The following DFFB variants were observed in gnomAD, a reference collection of about 807,000 sequenced individuals.
DFFB encodes the protein DNA fragmentation factor subunit beta.
In DFFB, 29 loss-of-function variants were observed where a neutral mutation model predicts 32.7. That is an observed-to-expected ratio of 0.89 (90% CI 0.66 to 1.21). The LOEUF (loss-of-function observed/expected upper bound fraction) is 1.21, where lower values mean the gene tolerates loss of function less well. DFFB is among the 50% of genes most tolerant of loss of function. The pLI is 0.00. For missense variants in DFFB, 398 were observed against 440.6 expected (o/e 0.90, Z 0.87); for synonymous variants, 170 against 177.1 (o/e 0.96, Z 0.32).
intron 6 of DFFB, among the ~76,000 whole-genome samples, chr1:3,881,043 C>T (rs1458975201): frequency 1.3e-5 from 2 of 152,228 alleles, no homozygotes; most frequent in Non-Finnish European, 2.9e-5. Flanking sequence ...TGCCTTCTCT[C>T]CCCACGCTGA....
chr1:3,882,276 A>G (rs1263112472), intron 6 of DFFB, among the ~76,000 whole-genome samples: 1 of 151,836 alleles, frequency 6.6e-6, no homozygotes, highest in Non-Finnish European at 1.5e-5. Flanking sequence ...GCTGGTCTCA[A>G]ACTCCTGGCC....
chr1:3,861,482 G>A (rs1400493070), intron 2 of DFFB, among the ~76,000 whole-genome samples: 6 of 152,158 alleles, frequency 3.9e-5, no homozygotes, highest in Admixed American at 3.9e-4. Context: ...AGGCTGGAGT[G>A]CAGTGGTGCA....
chr1:3,880,027 G>A (rs1645304539), intron 6 of DFFB, among the ~76,000 whole-genome samples: 1 of 152,212 alleles, frequency 6.6e-6, no homozygotes, highest in African/African-American at 2.4e-5. Flanking sequence ...TGTCCTGCCT[G>A]GTAGGAGTGT....
At chr1:3,864,978 G>A (rs1644947826) in intron 2 of DFFB, among the ~76,000 whole-genome samples, 1 of 152,002 alleles carries the variant, frequency 6.6e-6, no homozygotes, top group Non-Finnish European at 1.5e-5. Flanking sequence ...TGAAAGTCAC[G>A]CCTCACCCCA....
intron 1 of DFFB, 142 bp downstream of exon 1, chr1:3,857,859 C>CG: frequency 1.7e-6 from 1 of 579,910 alleles, no homozygotes; most frequent in Non-Finnish European, 2.9e-6. Context: ...GCTAGGACCC[C>CG]GGGCCCCCGC....
At chr1:3,867,353 ACT>A (rs1645006119) in intron 3 of DFFB, among the ~76,000 whole-genome samples, 1 of 151,980 alleles carries the variant, frequency 6.6e-6, no homozygotes, top group Non-Finnish European at 1.5e-5. Context: ...TAGATACCAC[ACT>A]GTCTATTCAC....
In DFFB at chr1:3,857,653, G is replaced by T; in HGVS notation, c.50G>T (p.Arg17Met). Residue 17 changes from arginine (R) to methionine (M), a missense_variant, in exon 1 of 7, where the codon AGG becomes ATG. Coordinates refer to ENST00000378209, the MANE Select transcript of DFFB (RefSeq NM_004402.4). The stretch of plus-strand genomic sequence containing the variant: ...AAGCTGCGGGCCCTGCGCAGCCCGA[G>T]GAAGTTCGGCGTGGCTGGCCGGAGC... ...SVKLRALRSP[R>M]KFGVAGRSCQ... 6.2e-7 allele frequency: 1 copy of T among 1,601,082 alleles called. No individual in the cohort carries two copies. The highest frequency in any genetic ancestry group is 8.5e-7 in the Non-Finnish European group (1 of 1,174,370).
At chr1:3,859,311 T>C (rs1644833683) in intron 2 of DFFB, among the ~76,000 whole-genome samples, 1 of 152,100 alleles carries the variant, frequency 6.6e-6, no homozygotes, top group Non-Finnish European at 1.5e-5. Context: ...AGGGCTCAAG[T>C]TTGGGGGCAA....
intron 6 of DFFB, among the ~76,000 whole-genome samples, chr1:3,883,062 G>C (rs537117643): frequency 6.6e-6 from 1 of 150,696 alleles, no homozygotes; most frequent in East Asian, 2.0e-4. Context: ...GGAGTGCGGT[G>C]GCGTGATCTT....
At chr1:3,869,957 G>A (rs1645078325) in intron 5 of DFFB, among the ~76,000 whole-genome samples, 182 bp downstream of exon 5, 1 of 152,244 alleles carries the variant, frequency 6.6e-6, no homozygotes, top group South Asian at 2.1e-4. Flanking sequence ...TCAAGCTGCA[G>A]TGCACACAGG....
intron 6 of DFFB, among the ~76,000 whole-genome samples, chr1:3,877,496 A>C (rs1645248620): frequency 6.6e-6 from 1 of 150,934 alleles, no homozygotes; most frequent in Non-Finnish European, 1.5e-5. Flanking sequence ...CGCCTGGCTA[A>C]TTTTTGTACT....
At chr1:3,860,403 AT>A in intron 2 of DFFB, 1 of 424,822 alleles carries the variant, frequency 2.4e-6, no homozygotes. Context: ...ATTGTTTTGT[AT>A]TTTTTGTAGA....
intron 6 of DFFB, among the ~76,000 whole-genome samples, chr1:3,881,676 C>T (rs1003756344): frequency 3.9e-5 from 6 of 152,184 alleles, no homozygotes; most frequent in Admixed American, 2.6e-4. Flanking sequence ...CTGGCCAACA[C>T]GGTGAAACCC....
chr1:3,865,178 AG>A lies in DFFB; in HGVS notation c.242-633del, dbSNP rs1644952233. 6.6e-6 allele frequency among the ~76,000 whole-genome samples: 1 copy of A among 152,094 alleles called. No homozygotes were observed. Among genetic ancestry groups the A allele is most frequent in the Admixed American group, 6.5e-5 (1 of 15,272 alleles). On this transcript the variant is annotated intron_variant, in intron 2 of 6. Transcript: ENST00000378209. The surrounding 1 kb of genome is among the most constrained non-coding windows in gnomAD (Gnocchi z 4.7). ...ATGTTAGGTCTAAGGACTTCCACCA[AG>A]TCCTCACTCCCCAGCATGTCCTCCT...
chr1:3,881,357 C>G (rs572243321), intron 6 of DFFB, among the ~76,000 whole-genome samples: 2 of 152,374 alleles, frequency 1.3e-5, no homozygotes, highest in East Asian at 3.9e-4. Context: ...GTTTCCCTTC[C>G]TCTTGCCCAA....
chr1:3,864,946 C>T (rs1644947205), intron 2 of DFFB, among the ~76,000 whole-genome samples: 1 of 152,106 alleles, frequency 6.6e-6, no homozygotes, highest in Admixed American at 6.6e-5. Context: ...GCTTATTTAT[C>T]TATTTTTTTA....
At chr1:3,880,235 G>T (rs1240663820) in intron 6 of DFFB, among the ~76,000 whole-genome samples, 1 of 152,206 alleles carries the variant, frequency 6.6e-6, no homozygotes, top group Non-Finnish European at 1.5e-5. Flanking sequence ...CGTCACAGAG[G>T]GCTGTGGAAG....
chr1:3,866,064 T>C, intron 3 of DFFB, 64 bp downstream of exon 3: 1 of 1,391,016 alleles, frequency 7.2e-7, no homozygotes, highest in Non-Finnish European at 9.6e-7. Flanking sequence ...CAGAAGAAGT[T>C]GGATTCCAAA....
At position 3,873,477 on chromosome 1, in the gene DFFB, ATT is replaced by A. The variant is rs201543955; in HGVS notation, c.782+921_782+922del. Among the ~76,000 whole-genome samples the A allele has an allele frequency of 5.0e-3, 692 of 138,776 alleles. 3 individuals carry two copies. Among genetic ancestry groups the A allele is most frequent in the African/African-American group, 0.017 (629 of 37,210 alleles). 91.0% of individuals were successfully genotyped at this position (138,776 alleles called of 152,430 possible). Reference sequence around the variant, plus strand: ...CTCATCCGGGCATTTAGGATTTGGGATTTTTTTTTTTTTTTTTCTGAGATGGA... The same window carrying A: ...CTCATCCGGGCATTTAGGATTTGGGATTTTTTTTTTTTTTTCTGAGATGGA... On this transcript the variant is annotated intron_variant, in intron 6 of 6. Transcript: ENST00000378209.
Sources: gnomAD v4.1 joint callset for allele counts (sites outside exome capture counted in the v4.1 genomes callset) on GRCh38, gnomAD v4.1.1 for gene constraint, Gnocchi (gnomAD v3.1) non-coding constraint, MANE v1.5 for transcripts, NCBI Gene and HGNC (gene_info 2026-07-23, HGNC 2026-07-21) for gene names.